FRY: variants seen among roughly 807,000 people sequenced by gnomAD.
FRY encodes protein furry homolog.
FRY carries 128 observed loss-of-function variants against 348.4 expected under a neutral mutation model. That is an observed-to-expected ratio of 0.37 (90% CI 0.32 to 0.43). The LOEUF is 0.43. FRY is among the 20% of genes least tolerant of loss of function. The pLI is 1.00. For synonymous variants in FRY, 1,370 were observed against 1,374.7 expected (o/e 1.00, Z 0.08); for missense variants, 2,736 against 3,695.2 (o/e 0.74, Z 6.73).
chr13:32,275,371 G>C (rs1888485760), intron 56 of FRY, among the ~76,000 whole-genome samples: 1 of 152,158 alleles, frequency 6.6e-6, no homozygotes, highest in Admixed American at 6.5e-5. Context: ...CTGGGCGACA[G>C]AGCGAGACTC....
rs1593810835 is a variant in FRY at position 32,258,042 on chromosome 13, A to G, written c.7417-3574A>G. On this transcript the variant is annotated intron_variant, in intron 51 of 60. Coordinates refer to ENST00000542859, the MANE Select transcript of FRY (RefSeq NM_023037.3). The stretch of plus-strand genomic sequence containing the variant: ...TGCATCTTTGCAGATTTATAACAAC[A>G]TAATTGCTTTTTTCCTCCCTTCCAG... 6 of 1,246,512 alleles carry G rather than the reference A, an allele frequency of 4.8e-6. No individual in the cohort carries two copies. The East Asian group carries it at 9.3e-5, about 19-fold the overall frequency. 77.2% of individuals were successfully genotyped at this position (1,246,512 alleles called of 1,614,324 possible).
chr13:32,196,122 T>C lies in FRY; in HGVS notation c.3746+1825T>C, dbSNP rs186691300. On this transcript the variant is annotated intron_variant, in intron 29 of 60. Transcript: ENST00000542859. Reference sequence around the variant, plus strand: ...CTTGATTTGTCTTCTGTAAGTTTGCTTCTAAAAAGCAACTGAAGACCTTAT... The same window carrying C: ...CTTGATTTGTCTTCTGTAAGTTTGCCTCTAAAAAGCAACTGAAGACCTTAT... Among the ~76,000 whole-genome samples the C allele has an allele frequency of 2.0e-5, 3 of 152,326 alleles. No individual in the cohort carries two copies. In the East Asian group the frequency reaches 5.8e-4, roughly 29 times the overall value.
chr13:32,157,639 G>C (rs1881191252), intron 16 of FRY, among the ~76,000 whole-genome samples: 1 of 152,130 alleles, frequency 6.6e-6, no homozygotes. Context: ...GTTAGAAAAT[G>C]AGGACCATGA....
At chr13:32,068,630 C>T (rs1377513283) in intron 1 of FRY, among the ~76,000 whole-genome samples, 2 of 152,294 alleles carry the variant, frequency 1.3e-5, no homozygotes, top group African/African-American at 4.8e-5. Context: ...GAAAAGAAAA[C>T]AGGGCAGACA....
intron 34 of FRY, 108 bp downstream of exon 34, chr13:32,211,142 G>A: frequency 9.6e-7 from 1 of 1,038,618 alleles, no homozygotes; most frequent in Non-Finnish European, 1.5e-6. Context: ...TCTTATTCCT[G>A]TGTGTGCATT....
intron 1 of FRY, among the ~76,000 whole-genome samples, chr13:32,033,179 A>G (rs1255155680): frequency 6.6e-6 from 1 of 152,200 alleles, no homozygotes; most frequent in South Asian, 2.1e-4. Context: ...TTTACTTGTC[A>G]TAGCTATAAA....
chr13:32,100,462 T>C (rs1877080476), intron 2 of FRY, among the ~76,000 whole-genome samples: 1 of 151,980 alleles, frequency 6.6e-6, no homozygotes, highest in Non-Finnish European at 1.5e-5. Context: ...GTTGTTGCCA[T>C]TGAAGACATA....
At chr13:32,148,319 CA>C (rs1880581175) in intron 13 of FRY, among the ~76,000 whole-genome samples, 1 of 151,962 alleles carries the variant, frequency 6.6e-6, no homozygotes, top group South Asian at 2.1e-4. Context: ...CAGAGAAAAC[CA>C]AAAGAGAACA....
At chr13:32,192,644 T>TA (rs1052711870) in intron 28 of FRY, among the ~76,000 whole-genome samples, 28 of 150,626 alleles carry the variant, frequency 1.9e-4, no homozygotes, top group African/African-American at 6.6e-4. Flanking sequence ...ACCCTGTAAG[T>TA]AAAAAAACAT....
chr13:32,130,036 A>T (rs1879250170), intron 7 of FRY, among the ~76,000 whole-genome samples: 1 of 147,908 alleles, frequency 6.8e-6, no homozygotes, highest in Non-Finnish European at 1.5e-5. Context: ...TTCTATAATC[A>T]CAATTACCTC....
At chr13:32,138,911 G>C (rs988209938) in intron 11 of FRY, among the ~76,000 whole-genome samples, 12 of 152,184 alleles carry the variant, frequency 7.9e-5, no homozygotes, top group African/African-American at 2.4e-4. Context: ...GGAGCAGGGA[G>C]ATACCTCTGA....
chr13:32,032,519 A>G (rs1257921774), intron 1 of FRY, among the ~76,000 whole-genome samples: 2 of 152,230 alleles, frequency 1.3e-5, no homozygotes, highest in Non-Finnish European at 2.9e-5. Flanking sequence ...TTTTTGAAAC[A>G]TAAACAAGTG....
intron 40 of FRY, among the ~76,000 whole-genome samples, chr13:32,229,210 G>A (rs191843800): frequency 6.6e-5 from 10 of 152,310 alleles, no homozygotes; most frequent in Admixed American, 1.3e-4. Flanking sequence ...AAGTGGTACT[G>A]GTTAGGTCTT....
chr13:32,260,534 A>G (rs1318912496), intron 51 of FRY, among the ~76,000 whole-genome samples: 3 of 152,224 alleles, frequency 2.0e-5, no homozygotes, highest in Non-Finnish European at 4.4e-5. Flanking sequence ...TAACACTTAC[A>G]TGGCCACTTA....
In FRY at chr13:32,228,579, A is replaced by C. The variant is rs992804266; in HGVS notation, c.5330A>C (p.Gln1777Pro). Residue 1777 changes from glutamine to proline, a missense_variant, in exon 40 of 61, where the codon CAG (glutamine) becomes CCG (proline). Gln to Pro is a moderately conservative substitution (Grantham distance 76). Around this residue, in one of 9 missense-constraint regions of FRY, gnomAD observed 794 missense variants for 977.0 expected, o/e 0.81. Transcript: ENST00000542859. Reference protein sequence around the residue: ...GSSGNLPQMTQEVEDVDTAAE... With the variant: ...GSSGNLPQMTPEVEDVDTAAE... Reference sequence around the variant, plus strand: ...AGTGGAAACCTCCCACAGATGACCCAGGAGGTAGAAGATGTGGACACAGCT... The same window carrying C: ...AGTGGAAACCTCCCACAGATGACCCCGGAGGTAGAAGATGTGGACACAGCT... The C allele has an allele frequency of 3.1e-6, 5 of 1,613,948 alleles. No homozygotes were observed. Among genetic ancestry groups the C allele is most frequent in the Non-Finnish European group, 4.2e-6 (5 of 1,179,930 alleles).
At chr13:32,279,607 C>T (rs1454876214) in intron 58 of FRY, among the ~76,000 whole-genome samples, 1 of 152,236 alleles carries the variant, frequency 6.6e-6, no homozygotes, top group Non-Finnish European at 1.5e-5. Flanking sequence ...TAGGAGGCTG[C>T]TGCCCCATCT....
chr13:32,247,959 C>T (rs1886889731), intron 48 of FRY, among the ~76,000 whole-genome samples: 1 of 152,120 alleles, frequency 6.6e-6, no homozygotes, highest in African/African-American at 2.4e-5. Context: ...TAAATTCTTG[C>T]CTTGAAGCGG....
intron 41 of FRY, among the ~76,000 whole-genome samples, chr13:32,232,906 G>A (rs769262128): frequency 2.0e-5 from 3 of 152,150 alleles, no homozygotes; most frequent in Non-Finnish European, 2.9e-5. Context: ...ATTTAAATGA[G>A]CATTTGCTCA....
At chr13:32,104,437 G>A (rs1877400678) in intron 3 of FRY, among the ~76,000 whole-genome samples, 1 of 152,182 alleles carries the variant, frequency 6.6e-6, no homozygotes, top group South Asian at 2.1e-4. Context: ...TGACTCACAT[G>A]CACATTAACG....
Sources: allele counts gnomAD v4.1 joint callset (sites outside exome capture counted in the v4.1 genomes callset), GRCh38; gene constraint gnomAD v4.1.1; regional missense constraint gnomAD v4.1.1; transcripts MANE v1.5; gene names NCBI Gene and HGNC (gene_info 2026-07-23, HGNC 2026-07-21).